The following GALNT13 variants were observed in gnomAD, a reference collection of about 807,000 sequenced individuals.
GALNT13 encodes the protein UDP-GalNAc:polypeptide N-acetylgalactosaminyltransferase 13.
Under a neutral mutation model 64.2 loss-of-function variants are expected in GALNT13, and 28 were observed. The observed-to-expected ratio is 0.44, with a 90% CI of 0.32 to 0.60. The LOEUF (loss-of-function observed/expected upper bound fraction) is 0.60. Among genes scored for constraint, GALNT13 ranks in the 20% least tolerant of loss-of-function variants. The probability of loss-of-function intolerance (pLI) is 0.05; values close to 1 mark genes in which losing one functional copy is unlikely to be tolerated. For synonymous variants in GALNT13, 214 were observed against 224.6 expected, an observed-to-expected ratio of 0.95 and a Z score of 0.42; for missense variants, 577 against 669.8, an observed-to-expected ratio of 0.86 and a Z score of 1.53.
the GALNT13 span, among the ~76,000 whole-genome samples, chr2:153,164,714 T>A: frequency 6.6e-6 from 1 of 152,204 alleles, no homozygotes; most frequent in Admixed American, 6.5e-5. Context: ...CCTCTTAACA[T>A]ATTTTAAAGT....
At chr2:153,867,863 A>C (rs1685793184), upstream of GALNT13, among the ~76,000 whole-genome samples, 1 of 152,090 alleles carries the variant, frequency 6.6e-6, no homozygotes, top group South Asian at 2.1e-4. Flanking sequence ...CAGGAGGTGG[A>C]GCTCAGGCAG....
the GALNT13 span, among the ~76,000 whole-genome samples, chr2:153,111,851 C>T: frequency 1.8e-4 from 28 of 152,094 alleles, no homozygotes; most frequent in Admixed American, 1.6e-3. Flanking sequence ...TCTACTCAAA[C>T]GTAAATGCTG....
intron 11 of GALNT13, among the ~76,000 whole-genome samples, chr2:154,426,742 A>G (rs1700488251): frequency 6.6e-6 from 1 of 152,228 alleles, no homozygotes; most frequent in Non-Finnish European, 1.5e-5. Context: ...TAATGTTTAA[A>G]ATGGGAAGAT....
chr2:153,230,436 A>G, the GALNT13 span, among the ~76,000 whole-genome samples: 1 of 152,230 alleles, frequency 6.6e-6, no homozygotes, highest in African/African-American at 2.4e-5. Flanking sequence ...AAAAAGATGT[A>G]TCTTGCAGCC....
chr2:154,177,204 G>A (rs1261811803), intron 4 of GALNT13, among the ~76,000 whole-genome samples: 1 of 152,106 alleles, frequency 6.6e-6, no homozygotes, highest in Non-Finnish European at 1.5e-5. Flanking sequence ...TCCAGACAAT[G>A]GCATATCATT....
At chr2:154,141,837 T>A (rs1250799359) in intron 4 of GALNT13, among the ~76,000 whole-genome samples, 1 of 152,196 alleles carries the variant, frequency 6.6e-6, no homozygotes, top group African/African-American at 2.4e-5. Context: ...AAATATGCAC[T>A]TGGAAATAAT....
the GALNT13 span, among the ~76,000 whole-genome samples, chr2:153,722,995 C>A: frequency 6.6e-6 from 1 of 152,064 alleles, no homozygotes; most frequent in Admixed American, 6.6e-5. Context: ...GGCAGAGACA[C>A]AACCAAAAGA....
chr2:153,549,729 C>T, the GALNT13 span, among the ~76,000 whole-genome samples: 1 of 152,134 alleles, frequency 6.6e-6, no homozygotes, highest in Non-Finnish European at 1.5e-5. Flanking sequence ...ATAAATGATT[C>T]TATTAAATGA....
chr2:153,652,981 T>A, the GALNT13 span, among the ~76,000 whole-genome samples: 1 of 152,136 alleles, frequency 6.6e-6, no homozygotes, highest in Non-Finnish European at 1.5e-5. Context: ...TACATATATA[T>A]GCACACACAG....
the GALNT13 span, among the ~76,000 whole-genome samples, chr2:153,379,789 T>C: frequency 6.6e-6 from 1 of 152,124 alleles, no homozygotes; most frequent in African/African-American, 2.4e-5. Flanking sequence ...AGTAATCATT[T>C]CCTGAATATC....
chr2:154,391,079 T>G (rs888772412), intron 9 of GALNT13, among the ~76,000 whole-genome samples: 1 of 152,246 alleles, frequency 6.6e-6, no homozygotes, highest in Non-Finnish European at 1.5e-5. Flanking sequence ...GCTCACACTC[T>G]ATATCTTTCC....
At chr2:153,254,680 G>A in the GALNT13 span, among the ~76,000 whole-genome samples, 18 of 152,080 alleles carry the variant, frequency 1.2e-4, no homozygotes, top group Admixed American at 3.9e-4. Flanking sequence ...CTTTGTTCTC[G>A]TTGGTTTCAA....
chr2:153,804,796 G>A, the GALNT13 span, among the ~76,000 whole-genome samples: 2 of 151,992 alleles, frequency 1.3e-5, no homozygotes, highest in East Asian at 3.9e-4. Context: ...GCAGAATCAT[G>A]TCTACATAAA....
chr2:153,139,531 A>G, the GALNT13 span, among the ~76,000 whole-genome samples: 1 of 151,998 alleles, frequency 6.6e-6, no homozygotes, highest in Non-Finnish European at 1.5e-5. Flanking sequence ...TGGCTGGGGC[A>G]TCTTAGAAGA....
At chr2:154,015,003 A>G (rs1006254125) in intron 3 of GALNT13, among the ~76,000 whole-genome samples, 3 of 152,172 alleles carry the variant, frequency 2.0e-5, no homozygotes, top group African/African-American at 4.8e-5. Context: ...CCTTATTGAC[A>G]TATACATTGA....
At chr2:153,264,891 A>G in the GALNT13 span, among the ~76,000 whole-genome samples, 2 of 152,180 alleles carry the variant, frequency 1.3e-5, no homozygotes, top group Admixed American at 6.5e-5. Flanking sequence ...ACCATGGCAC[A>G]TGTTTACCTA....
intron 9 of GALNT13, among the ~76,000 whole-genome samples, chr2:154,371,810 A>G (rs1242637160): frequency 6.6e-6 from 1 of 150,988 alleles, no homozygotes; most frequent in African/African-American, 2.4e-5. Context: ...CCATAGAAAC[A>G]TTAGTCTTGG....
intron 3 of GALNT13, among the ~76,000 whole-genome samples, chr2:154,085,284 T>C (rs910266771): frequency 6.6e-6 from 1 of 152,080 alleles, no homozygotes; most frequent in African/African-American, 2.4e-5. Context: ...GGATTGGAAC[T>C]AATTACTGAT....
chr2:153,572,156 C>T, the GALNT13 span, among the ~76,000 whole-genome samples: 1 of 151,724 alleles, frequency 6.6e-6, no homozygotes, highest in African/African-American at 2.4e-5. Flanking sequence ...CAGAGTTCTT[C>T]ATGGTTCAAT....
Sources: gnomAD v4.1 joint callset for allele counts (sites outside exome capture counted in the v4.1 genomes callset) on GRCh38, gnomAD v4.1.1 for gene constraint, MANE v1.5 for transcripts, NCBI Gene and HGNC (gene_info 2026-07-23, HGNC 2026-07-21) for gene names.